OCA2: variants seen among roughly 807,000 people sequenced by gnomAD.
The protein encoded by OCA2 is P protein.
In OCA2, 77 loss-of-function variants were observed where a neutral mutation model predicts 100.2. That is an observed-to-expected ratio of 0.77 (90% CI 0.64 to 0.93). OCA2 has a LOEUF of 0.93. OCA2 is among the 40% of genes least tolerant of loss of function. The pLI is 0.00. For missense variants in OCA2, 1,062 were observed against 1,089.1 expected (o/e 0.98, Z 0.35); for synonymous variants, 432 against 439.2 (o/e 0.98, Z 0.21).
chr15:27,910,655 T>C (rs58661359), intron 19 of OCA2, among the ~76,000 whole-genome samples: 7,936 of 137,154 alleles, frequency 0.058, 443 homozygotes, highest in South Asian at 0.3. Context: ...TGCTTATTTA[T>C]GTTAAAAAAA....
chr15:27,770,954 C>CT lies in OCA2; in HGVS notation c.2433-15483dup, dbSNP rs1373864789. On this transcript the variant is annotated intron_variant, in intron 23 of 23. Transcript: ENST00000354638. ...TCCTTTCTTCCTTCCTTGCTTCCAT[C>CT]TTTCCTTCCTCCCTCCCTTCCTTTC... Among the ~76,000 whole-genome samples, 7 of 129,568 alleles carry CT rather than the reference C, an allele frequency of 5.4e-5. No homozygotes were observed. In the East Asian group the frequency reaches 1.6e-3, roughly 29 times the overall value. 85.0% of individuals were successfully genotyped at this position (129,568 alleles called of 152,430 possible). A position where few individuals can be genotyped will look rare whatever the true frequency, so the allele number is the denominator to read the frequency against.
intron 19 of OCA2, among the ~76,000 whole-genome samples, chr15:27,895,365 G>A (rs566674651): frequency 4.6e-5 from 7 of 152,202 alleles, no homozygotes; most frequent in Non-Finnish European, 8.8e-5. Flanking sequence ...GACAGGCAGA[G>A]GTTGGAACAG....
intron 21 of OCA2, among the ~76,000 whole-genome samples, chr15:27,856,239 T>C (rs1445961896): frequency 6.6e-6 from 1 of 152,218 alleles, no homozygotes; most frequent in Non-Finnish European, 1.5e-5. Flanking sequence ...ATTATCTCTG[T>C]AAAGGCCCTA....
At chr15:27,973,518 C>G (rs1249933275) in intron 14 of OCA2, among the ~76,000 whole-genome samples, 1 of 152,168 alleles carries the variant, frequency 6.6e-6, no homozygotes, top group Non-Finnish European at 1.5e-5. Flanking sequence ...TCTGGGTTCT[C>G]AATTCTGTTC....
chr15:27,995,643 A>G (rs1410739816), intron 9 of OCA2, among the ~76,000 whole-genome samples: 1 of 151,754 alleles, frequency 6.6e-6, no homozygotes, highest in Non-Finnish European at 1.5e-5. Context: ...TCCTGCCTCA[A>G]CCTCCTAAAG....
At chr15:28,016,404 A>G (rs2042394684) in intron 7 of OCA2, among the ~76,000 whole-genome samples, 1 of 152,238 alleles carries the variant, frequency 6.6e-6, no homozygotes. Context: ...TTGTTTAAGA[A>G]AAAGGATTCA....
intron 2 of OCA2, among the ~76,000 whole-genome samples, chr15:28,037,940 C>T (rs1206811679): frequency 6.6e-6 from 1 of 152,208 alleles, no homozygotes; most frequent in Non-Finnish European, 1.5e-5. Flanking sequence ...CCAACAGAAC[C>T]CAGCCCTCCT....
At chr15:27,977,634 G>A (rs11631735) in intron 14 of OCA2, among the ~76,000 whole-genome samples, 77,537 of 152,018 alleles carry the variant, frequency 0.51, 24,308 homozygotes, top group Non-Finnish European at 0.72. Flanking sequence ...AAAATTGCTC[G>A]GGACTGAATT....
intron 19 of OCA2, among the ~76,000 whole-genome samples, chr15:27,880,993 G>T (rs1307207499): frequency 6.6e-6 from 1 of 152,140 alleles, no homozygotes; most frequent in Non-Finnish European, 1.5e-5. Context: ...CTGGCTGTGG[G>T]TTTGTCATAA....
chr15:28,066,460 G>A (rs1489313852), intron 2 of OCA2, among the ~76,000 whole-genome samples: 1 of 152,106 alleles, frequency 6.6e-6, no homozygotes, highest in African/African-American at 2.4e-5. Context: ...CCTCCCGTTG[G>A]AATTCAGGCA....
In OCA2 at chr15:27,862,439, G is replaced by A. The variant is rs1235880605; in HGVS notation, c.2244+8715C>T. Among the ~76,000 whole-genome samples, 6 of 151,504 alleles carry A rather than the reference G, an allele frequency of 4.0e-5. No homozygotes were observed. In the South Asian group the frequency reaches 6.2e-4, roughly 16 times the overall value. On this transcript the variant is annotated intron_variant, in intron 21 of 23. Coordinates refer to ENST00000354638, the MANE Select transcript of OCA2 (RefSeq NM_000275.3). ...CAAGGGGACATGCTGCCTGCCCAGC[G>A]CCAAAGAACTTTGAAAAAAAAGTAG...
chr15:27,763,296 A>C (rs749414446), intron 23 of OCA2, among the ~76,000 whole-genome samples: 1 of 152,196 alleles, frequency 6.6e-6, no homozygotes, highest in Admixed American at 6.5e-5. Context: ...TCAAAATAAA[A>C]ATATTTTTTA....
chr15:28,056,938 C>T (rs954443589), intron 2 of OCA2, among the ~76,000 whole-genome samples: 1 of 152,236 alleles, frequency 6.6e-6, no homozygotes, highest in South Asian at 2.1e-4. Context: ...GCCTCTGGTG[C>T]ATGTGTGACC....
intron 21 of OCA2, among the ~76,000 whole-genome samples, chr15:27,862,829 C>T (rs1489873310): frequency 6.6e-6 from 1 of 152,174 alleles, no homozygotes; most frequent in Non-Finnish European, 1.5e-5. Context: ...ATACAATAGT[C>T]CCCAAGGACA....
chr15:28,011,941 C>A (rs2141205801), intron 9 of OCA2, among the ~76,000 whole-genome samples: 1 of 149,290 alleles, frequency 6.7e-6, no homozygotes, highest in East Asian at 2.0e-4. Flanking sequence ...AAGGCCGGCA[C>A]TGTGGCTCAT....
intron 22 of OCA2, among the ~76,000 whole-genome samples, chr15:27,847,768 T>C (rs1223010352): frequency 6.6e-6 from 1 of 152,230 alleles, no homozygotes; most frequent in Non-Finnish European, 1.5e-5. Context: ...TCTGCCACCA[T>C]TTCTGTTACA....
chr15:27,932,378 A>G (rs2039283177), intron 18 of OCA2, among the ~76,000 whole-genome samples: 1 of 152,202 alleles, frequency 6.6e-6, no homozygotes, highest in Non-Finnish European at 1.5e-5. Context: ...TGGGGAAAAG[A>G]CAAGCATGTA....
At chr15:28,003,092 C>T (rs530346757) in intron 9 of OCA2, among the ~76,000 whole-genome samples, 1 of 152,230 alleles carries the variant, frequency 6.6e-6, no homozygotes, top group Non-Finnish European at 1.5e-5. Context: ...GCGTCAGCCA[C>T]GCACGGACTG....
chr15:28,081,718 T>A lies in OCA2; in HGVS notation c.157A>T (p.Arg53Trp), dbSNP rs761810483. 11 of 1,613,548 alleles carry A rather than the reference T, an allele frequency of 6.8e-6. No individual in the cohort carries two copies. Among genetic ancestry groups the A allele is most frequent in the Middle Eastern group, 1.6e-4 (1 of 6,082 alleles). ...CAAGAGCTCTGCCCGGCAGCCCCCCTGGGGCAGGAGTGCGAGGGGTCAGCT... is the reference window on the plus strand; with the variant it reads ...CAAGAGCTCTGCCCGGCAGCCCCCCAGGGGCAGGAGTGCGAGGGGTCAGCT... Reference protein sequence around the residue: ...GGADPSHSCPRGAAGQSSWAP... With the variant: ...GGADPSHSCPWGAAGQSSWAP... The change falls in exon 2 of 24, where the codon AGG becomes TGG. Residue 53 changes from arginine (R) to tryptophan (W), a missense_variant. Arg to Trp is a moderately radical substitution (Grantham distance 101). Transcript: ENST00000354638.
Sources: allele counts gnomAD v4.1 joint callset (sites outside exome capture counted in the v4.1 genomes callset), GRCh38; gene constraint gnomAD v4.1.1; transcripts MANE v1.5; gene names NCBI Gene and HGNC (gene_info 2026-07-23, HGNC 2026-07-21).